Variants in MIPOL1 observed in about 807,000 individuals in gnomAD.
The protein encoded by MIPOL1 is mirror-image polydactyly gene 1 protein.
Under a neutral mutation model 60.9 loss-of-function variants are expected in MIPOL1, and 57 were observed. The observed-to-expected ratio is 0.94, with a 90% confidence interval of 0.76 to 1.17. The LOEUF is 1.17. Among genes scored for constraint, MIPOL1 ranks in the 50% most tolerant of loss-of-function variants. The probability of loss-of-function intolerance (pLI) is 0.00; values close to 1 mark genes in which losing one functional copy is unlikely to be tolerated. For synonymous variants in MIPOL1, 179 were observed against 168.8 expected, an observed-to-expected ratio of 1.06 and a Z score of -0.47; for missense variants, 551 against 511.6, an observed-to-expected ratio of 1.08 and a Z score of -0.74.
At chr14:37,300,004 A>C (rs933616678) in intron 7 of MIPOL1, among the ~76,000 whole-genome samples, 1 of 152,024 alleles carries the variant, frequency 6.6e-6, no homozygotes, top group African/African-American at 2.4e-5. Context: ...TGTTGGGTTT[A>C]TGAGATTTTA....
intron 10 of MIPOL1, among the ~76,000 whole-genome samples, chr14:37,375,336 A>G (rs756966415): frequency 6.6e-6 from 1 of 152,028 alleles, no homozygotes; most frequent in Non-Finnish European, 1.5e-5. Flanking sequence ...AGCCTCCCAC[A>G]TAACTGGAAG....
intron 1 of MIPOL1, among the ~76,000 whole-genome samples, chr14:37,242,741 A>G (rs1425474331): frequency 1.3e-5 from 2 of 152,172 alleles, no homozygotes; most frequent in African/African-American, 4.8e-5. Context: ...AGAAAAATCA[A>G]GGGCCCTGTT....
At chr14:37,313,608 A>C (rs764274829) in intron 9 of MIPOL1, among the ~76,000 whole-genome samples, 27 of 152,178 alleles carry the variant, frequency 1.8e-4, no homozygotes, top group South Asian at 4.1e-4. Context: ...AACAGAAGGC[A>C]AAAGTCTTGT....
At chr14:37,359,070 G>T (rs1443071611) in intron 9 of MIPOL1, among the ~76,000 whole-genome samples, 1 of 152,118 alleles carries the variant, frequency 6.6e-6, no homozygotes, top group Non-Finnish European at 1.5e-5. Flanking sequence ...AGTTTTCCCA[G>T]CACGATTTAT....
At chr14:37,517,528 C>G (rs1442315970) in intron 12 of MIPOL1, among the ~76,000 whole-genome samples, 1 of 152,146 alleles carries the variant, frequency 6.6e-6, no homozygotes, top group Non-Finnish European at 1.5e-5. Context: ...TGCCCTTTGA[C>G]TAAGGGAGAA....
intron 7 of MIPOL1, among the ~76,000 whole-genome samples, chr14:37,294,289 C>T (rs1056388129): frequency 6.6e-6 from 1 of 152,088 alleles, no homozygotes; most frequent in African/African-American, 2.4e-5. Flanking sequence ...AAAGGACATC[C>T]ACACCAAAAA....
intron 12 of MIPOL1, among the ~76,000 whole-genome samples, chr14:37,535,816 ATTAAT>A (rs1594917154): frequency 6.6e-6 from 1 of 152,220 alleles, no homozygotes. Flanking sequence ...TAGGAGCTAA[ATTAAT>A]TTATCTACAT....
chr14:37,295,958 T>G (rs1288730749), intron 7 of MIPOL1, among the ~76,000 whole-genome samples: 2 of 152,134 alleles, frequency 1.3e-5, no homozygotes, highest in Non-Finnish European at 2.9e-5. Context: ...GCAGACCTAA[T>G]AGACATCTAC....
At chr14:37,424,660 G>T (rs1446357578) in intron 11 of MIPOL1, among the ~76,000 whole-genome samples, 1 of 152,186 alleles carries the variant, frequency 6.6e-6, no homozygotes, top group Non-Finnish European at 1.5e-5. Flanking sequence ...AGTATGTTTG[G>T]TTGGTCACTG....
chr14:37,242,195 A>G (rs1222517519), intron 1 of MIPOL1, among the ~76,000 whole-genome samples: 2 of 151,900 alleles, frequency 1.3e-5, no homozygotes, highest in Non-Finnish European at 2.9e-5. Context: ...AAAAAACCAA[A>G]TTATACCTAT....
intron 11 of MIPOL1, among the ~76,000 whole-genome samples, chr14:37,494,693 AG>A (rs2095093665): frequency 1.3e-5 from 2 of 152,196 alleles, no homozygotes; most frequent in Non-Finnish European, 2.9e-5. Flanking sequence ...CAGTAAAAAA[AG>A]GAATATTAAT....
intron 10 of MIPOL1, among the ~76,000 whole-genome samples, chr14:37,370,317 A>G (rs1313266689): frequency 1.3e-5 from 2 of 152,118 alleles, no homozygotes; most frequent in African/African-American, 4.8e-5. Flanking sequence ...AGTTCCCAGT[A>G]TAGTGCCTGT....
chr14:37,448,646 G>A (rs764157346), intron 11 of MIPOL1, among the ~76,000 whole-genome samples: 2 of 152,106 alleles, frequency 1.3e-5, no homozygotes, highest in East Asian at 1.9e-4. Context: ...AAATCTTTAC[G>A]AAGAAGTTAA....
intron 11 of MIPOL1, among the ~76,000 whole-genome samples, chr14:37,498,933 C>CT (rs2095173136): frequency 6.6e-6 from 1 of 152,052 alleles, no homozygotes; most frequent in Non-Finnish European, 1.5e-5. Context: ...CACTAACTAG[C>CT]TTTTTGCAGG....
At chr14:37,240,777 T>TA (rs202242301) in intron 1 of MIPOL1, among the ~76,000 whole-genome samples, 3,230 of 152,274 alleles carry the variant, frequency 0.021, 97 homozygotes, top group African/African-American at 0.072. Flanking sequence ...CAGCTGGCAC[T>TA]AAAGACTACT....
intron 10 of MIPOL1, among the ~76,000 whole-genome samples, chr14:37,409,959 A>G (rs1309432486): frequency 2.0e-5 from 3 of 152,208 alleles, no homozygotes. Flanking sequence ...GCGATCCAGG[A>G]AAAGCATCAT....
chr14:37,220,918 G>A (rs1225781732), intron 1 of MIPOL1, among the ~76,000 whole-genome samples: 1 of 152,098 alleles, frequency 6.6e-6, no homozygotes, highest in African/African-American at 2.4e-5. Context: ...TAGGAATACA[G>A]GTGTGCACCA....
intron 1 of MIPOL1, among the ~76,000 whole-genome samples, chr14:37,202,384 T>TACACAC (rs3061896): frequency 6.7e-6 from 1 of 149,930 alleles, no homozygotes; most frequent in Admixed American, 6.6e-5. Flanking sequence ...TGCATTTCAT[T>TACACAC]ACACACACAC....
intron 9 of MIPOL1, among the ~76,000 whole-genome samples, chr14:37,309,483 A>G (rs986995402): frequency 6.6e-6 from 1 of 152,048 alleles, no homozygotes; most frequent in African/African-American, 2.4e-5. Flanking sequence ...GTAAATTCCT[A>G]TGTAGATAAT....
Sources: gnomAD v4.1 joint callset for allele counts (sites outside exome capture counted in the v4.1 genomes callset) on GRCh38, gnomAD v4.1.1 for gene constraint, MANE v1.5 for transcripts, NCBI Gene and HGNC (gene_info 2026-07-23, HGNC 2026-07-21) for gene names.